The following CMIP variants were observed in gnomAD, a reference collection of about 807,000 sequenced individuals.
CMIP encodes c-Maf inducing protein, also known as C-Maf-inducing protein.
A neutral mutation model predicts 97.3 loss-of-function variants in CMIP; 13 were observed. That is an observed-to-expected ratio of 0.13 (90% CI 0.09 to 0.21). The LOEUF (loss-of-function observed/expected upper bound fraction) is 0.21, where lower values mean the gene tolerates loss of function less well. Ranked by LOEUF, CMIP falls within the 10% of genes least tolerant of loss-of-function variation. The pLI, the probability that CMIP is intolerant of heterozygous loss-of-function variation, is 1.00. For missense variants in CMIP, 847 were observed against 1,024.9 expected (o/e 0.83, Z 2.37); for synonymous variants, 538 against 436.3 (o/e 1.23, Z -2.91).
intron 1 of CMIP, among the ~76,000 whole-genome samples, chr16:81,568,039 G>GTGT (rs10629229): frequency 6.1e-5 from 5 of 82,536 alleles, no homozygotes; most frequent in African/African-American, 1.9e-4. Context: ...GTGTGTGTGT[G>GTGT]TTTTTTTTTT....
chr16:81,468,612 T>G (rs1907346341), intron 1 of CMIP, among the ~76,000 whole-genome samples: 1 of 152,222 alleles, frequency 6.6e-6, no homozygotes, highest in Admixed American at 6.5e-5. Context: ...TACCAGGCAT[T>G]GTGCTAAGGG....
At chr16:81,476,139 C>A in intron 1 of CMIP, 1 of 1,013,352 alleles carries the variant, frequency 9.9e-7, no homozygotes. Context: ...TTGCCGGAGA[C>A]CACGTGCTTG....
At chr16:81,519,255 C>A (rs893902398) in intron 1 of CMIP, 1 of 152,218 alleles carries the variant, frequency 6.6e-6, no homozygotes, top group African/African-American at 2.4e-5. Flanking sequence ...GCTGTGATCG[C>A]GCTACTGCAC....
chr16:81,445,307 G>C lies in CMIP; in HGVS notation c.66G>C (p.Leu22=). ...GGCAGATCGAGGAGACCAAGCCGCT[G>C]CTGGGGGGCGACGTGTCGGCCCCCG... ...DPRQIEETKP[L]LGGDVSAPEG... The change falls in exon 1 of 21, where the codon CTG becomes CTC. Residue 22 remains leucine (L), a synonymous_variant. Transcript: ENST00000537098. 1 of 1,568,992 alleles carries C rather than the reference G, an allele frequency of 6.4e-7. No homozygotes were observed. Among genetic ancestry groups the C allele is most frequent in the Non-Finnish European group, 8.6e-7 (1 of 1,158,826 alleles).
At position 81,497,595 on chromosome 16, in the gene CMIP, C is replaced by T. The variant is rs148809263; in HGVS notation, c.300+52054C>T. Reference sequence around the variant, plus strand: ...AAGTCACTCTAATAACCCATCTTGCCGGTGATGCCCAGGCCTCGGCAGACT... The same window carrying T: ...AAGTCACTCTAATAACCCATCTTGCTGGTGATGCCCAGGCCTCGGCAGACT... On this transcript the variant is annotated intron_variant, in intron 1 of 20. Coordinates refer to ENST00000537098, the MANE Select transcript of CMIP (RefSeq NM_198390.3). Among the ~76,000 whole-genome samples the T allele has an allele frequency of 6.9e-3, 1,054 of 152,308 alleles. 6 individuals are homozygous for T. Among genetic ancestry groups the T allele is most frequent in the African/African-American group, 0.024 (1,014 of 41,560 alleles).
Position 81,705,642 on chromosome 16 carries a change from C to T in CMIP, c.2197+38C>T, listed in dbSNP as rs1401179193. 2.2e-6 allele frequency: 3 copies of T among 1,350,164 alleles called. No individual in the cohort carries two copies. In the African/African-American group the frequency reaches 4.3e-5, roughly 19 times the overall value. The allele number at this position is 1,350,164 out of a possible 1,614,324, so 83.6% of individuals were successfully genotyped here. A position where few individuals can be genotyped will look rare whatever the true frequency, so the allele number is the denominator to read the frequency against. On this transcript the variant is annotated intron_variant, in intron 19 of 20. Coordinates refer to ENST00000537098, the MANE Select transcript of CMIP (RefSeq NM_198390.3). ...GGGGCAGCTGGGGGGTGAGGGGCCG[C>T]TTGATTCATTCCTTCCTTGCTTCAG...
chr16:81,557,673 G>C (rs1262063626), intron 1 of CMIP, among the ~76,000 whole-genome samples: 1 of 152,182 alleles, frequency 6.6e-6, no homozygotes, highest in East Asian at 1.9e-4. Context: ...TACTCAGGAG[G>C]CCAAGGTGGG....
intron 1 of CMIP, among the ~76,000 whole-genome samples, chr16:81,526,874 A>T (rs2090143505): frequency 1.3e-5 from 2 of 152,034 alleles, no homozygotes; most frequent in African/African-American, 4.8e-5. Flanking sequence ...CTCTCTACCC[A>T]CTCCAATATA....
intron 1 of CMIP, among the ~76,000 whole-genome samples, chr16:81,537,480 A>G (rs2090364541): frequency 7.0e-6 from 1 of 142,816 alleles, no homozygotes; most frequent in Admixed American, 7.5e-5. Context: ...GGTCGCTCTG[A>G]GCCAAGATTG....
rs568477418 is a variant in CMIP at position 81,577,972 on chromosome 16, T to C, written c.301-29595T>C. Among the ~76,000 whole-genome samples the C allele has an allele frequency of 7.4e-3, 1,104 of 148,880 alleles. 36 individuals are homozygous for C. The highest frequency in any genetic ancestry group is 0.027 in the African/African-American group (1,050 of 38,840). On this transcript the variant is annotated intron_variant, in intron 1 of 20. Transcript: ENST00000537098. Reference sequence around the variant, plus strand: ...CATCATCCCCATTACCACTACATTATTATCACTATCACCATCACCATCATC... The same window carrying C: ...CATCATCCCCATTACCACTACATTACTATCACTATCACCATCACCATCATC...
intron 1 of CMIP, among the ~76,000 whole-genome samples, chr16:81,557,841 C>A (rs184907242): frequency 1.3e-4 from 20 of 152,304 alleles, no homozygotes; most frequent in Admixed American, 2.6e-4. Flanking sequence ...ACATACAGTT[C>A]GGTGGCATTA....
chr16:81,518,270 T>G (rs569034745), intron 1 of CMIP: 1 of 152,350 alleles, frequency 6.6e-6, no homozygotes, highest in East Asian at 1.9e-4. Flanking sequence ...TGTCATCCTC[T>G]AAGGGTCATT....
At chr16:81,612,558 C>A (rs893456250) in intron 2 of CMIP, among the ~76,000 whole-genome samples, 6 of 152,132 alleles carry the variant, frequency 3.9e-5, no homozygotes, top group Non-Finnish European at 7.4e-5. Flanking sequence ...GAAACTGGGC[C>A]GGGGAAGGGG....
Position 81,525,237 on chromosome 16 carries a change from A to G in CMIP, c.300+79696A>G, listed in dbSNP as rs185925102. On this transcript the variant is annotated intron_variant, in intron 1 of 20. Coordinates refer to ENST00000537098, the MANE Select transcript of CMIP (RefSeq NM_198390.3). ...CGGCTCCCCACAACCACCATCTCCC[A>G]GGTTGAAGCGATTCTCATGTCTCAG... Among the ~76,000 whole-genome samples the G allele has an allele frequency of 9.7e-4, 148 of 152,134 alleles. 1 individual carries two copies. The highest frequency in any genetic ancestry group is 3.4e-3 in the African/African-American group (143 of 41,520).
chr16:81,698,196 C>A (rs767435293), intron 14 of CMIP: 1 of 152,220 alleles, frequency 6.6e-6, no homozygotes. Context: ...TGGAAGCCGG[C>A]CCCTTGATGA....
chr16:81,466,824 A>G (rs1422119995), intron 1 of CMIP, among the ~76,000 whole-genome samples: 1 of 152,182 alleles, frequency 6.6e-6, no homozygotes, highest in Non-Finnish European at 1.5e-5. Context: ...GGAACTAGGA[A>G]CAAAAGGGCC....
intron 1 of CMIP, among the ~76,000 whole-genome samples, chr16:81,482,825 G>A (rs2089247340): frequency 6.6e-6 from 1 of 152,258 alleles, no homozygotes; most frequent in Non-Finnish European, 1.5e-5. Context: ...GTAAAATGGG[G>A]GTGAGATAGG....
intron 1 of CMIP, among the ~76,000 whole-genome samples, chr16:81,603,085 T>C (rs1007092321): frequency 6.6e-6 from 1 of 152,076 alleles, no homozygotes; most frequent in African/African-American, 2.4e-5. Flanking sequence ...TTGTTTGGTT[T>C]TGTTTTGTTT....
chr16:81,678,655 C>T (rs886208803), intron 10 of CMIP, 27 bp downstream of exon 10: 1 of 1,154,148 alleles, frequency 8.7e-7, no homozygotes, highest in Non-Finnish European at 1.3e-6. Context: ...CGTGCCCGCC[C>T]CCGGGGCCGG....
Sources: allele counts gnomAD v4.1 joint callset (sites outside exome capture counted in the v4.1 genomes callset), GRCh38; gene constraint gnomAD v4.1.1; transcripts MANE v1.5; gene names NCBI Gene and HGNC (gene_info 2026-07-23, HGNC 2026-07-21).